The following TMPRSS12 variants were observed in gnomAD, a reference collection of about 807,000 sequenced individuals.
TMPRSS12 encodes the protein transmembrane protease serine 12.
A neutral mutation model predicts 26.0 loss-of-function variants in TMPRSS12; 25 were observed. The ratio of observed to expected loss-of-function variants is 0.96; its 90% CI spans 0.70 to 1.34. The LOEUF (loss-of-function observed/expected upper bound fraction) is 1.34. Among genes scored for constraint, TMPRSS12 ranks in the 40% most tolerant of loss-of-function variants. TMPRSS12 has a pLI of 0.00. For missense variants in TMPRSS12, 441 were observed against 440.1 expected (o/e 1.00, Z -0.02); for synonymous variants, 150 against 161.7 (o/e 0.93, Z 0.55).
chr12:50,855,744 A>T (rs1592218275), intron 2 of TMPRSS12, among the ~76,000 whole-genome samples: 2 of 152,190 alleles, frequency 1.3e-5, no homozygotes, highest in Non-Finnish European at 2.9e-5. Flanking sequence ...TACCATAAAG[A>T]CACATGCATG....
At chr12:50,872,842 C>CTATATATGTACATATATATGACGTA (rs1938075242) in intron 3 of TMPRSS12, among the ~76,000 whole-genome samples, 1 of 13,140 alleles carries the variant, frequency 7.6e-5, no homozygotes, top group East Asian at 4.0e-3. Context: ...TATATGACGT[C>CTATATATGTACATATATATGACGTA]TATATATGTA....
chr12:50,866,878 G>C (rs1020793013), intron 3 of TMPRSS12, among the ~76,000 whole-genome samples: 3 of 152,128 alleles, frequency 2.0e-5, no homozygotes, highest in Non-Finnish European at 2.9e-5. Flanking sequence ...CCAGAAGAAA[G>C]ATAACAATCG....
chr12:50,872,864 CTATATAT>C lies in TMPRSS12; in HGVS notation c.653-12381_653-12375del, dbSNP rs1938076602. The stretch of plus-strand genomic sequence containing the variant: ...CGTCTATATATGTACATATATATGA[CTATATAT>C]GTACATATATATGACGTATATATGT... On this transcript the variant is annotated intron_variant, in intron 3 of 4. Coordinates refer to ENST00000398458, the MANE Select transcript of TMPRSS12 (RefSeq NM_182559.3). Among the ~76,000 whole-genome samples the C allele has an allele frequency of 3.3e-4, 4 of 12,268 alleles. 1 individual carries two copies. The highest frequency in any genetic ancestry group is 8.7e-4 in the African/African-American group (4 of 4,612). 8.0% of individuals were successfully genotyped at this position (12,268 alleles called of 152,430 possible).
chr12:50,853,581 CAAA>C (rs34657217), intron 2 of TMPRSS12, among the ~76,000 whole-genome samples: 2 of 102,382 alleles, frequency 2.0e-5, no homozygotes, highest in South Asian at 7.0e-4. Flanking sequence ...GCTAGACTAA[CAAA>C]AAAAAAAAAA....
chr12:50,883,890 C>T (rs896437682), intron 3 of TMPRSS12, among the ~76,000 whole-genome samples: 2 of 151,862 alleles, frequency 1.3e-5, no homozygotes, highest in Non-Finnish European at 2.9e-5. Context: ...TAGTCCCAGG[C>T]ACTCGGGAGG....
rs2139716506 is a variant in TMPRSS12 at position 50,842,926 on chromosome 12, G to A, written c.-39G>A. The stretch of plus-strand genomic sequence containing the variant: ...TGCGCCCCGCGTGCCCAGGGCGGGT[G>A]GGAAGTACCTGCCGCCATCTTGCTC... On this transcript the variant is annotated 5_prime_UTR_variant, in exon 1 of 5. Transcript: ENST00000398458. The A allele has an allele frequency of 2.0e-6, 3 of 1,529,252 alleles. No individual in the cohort carries two copies. Among genetic ancestry groups the A allele is most frequent in the Middle Eastern group, 1.7e-4 (1 of 5,850 alleles). 94.7% of individuals were successfully genotyped at this position (1,529,252 alleles called of 1,614,324 possible).
chr12:50,883,493 G>A (rs1193810915), intron 3 of TMPRSS12, among the ~76,000 whole-genome samples: 1 of 152,034 alleles, frequency 6.6e-6, no homozygotes, highest in Non-Finnish European at 1.5e-5. Context: ...AGAATGGCCT[G>A]GGCAATATAG....
chr12:50,873,114 G>A (rs955665943), intron 3 of TMPRSS12, among the ~76,000 whole-genome samples: 2 of 151,644 alleles, frequency 1.3e-5, no homozygotes, highest in African/African-American at 4.9e-5. Context: ...ATATATTCTC[G>A]CTGATATGTG....
chr12:50,855,315 C>T (rs1056955875), intron 2 of TMPRSS12, among the ~76,000 whole-genome samples: 1 of 152,016 alleles, frequency 6.6e-6, no homozygotes, highest in African/African-American at 2.4e-5. Context: ...ACTATGCATT[C>T]AGTAAAGGTC....
At chr12:50,854,610 A>C (rs1322319370) in intron 2 of TMPRSS12, among the ~76,000 whole-genome samples, 1 of 152,040 alleles carries the variant, frequency 6.6e-6, no homozygotes, top group Non-Finnish European at 1.5e-5. Flanking sequence ...CTTCAGCAAA[A>C]CTTCAGGATA....
chr12:50,872,373 C>T (rs796734477), intron 3 of TMPRSS12, among the ~76,000 whole-genome samples: 46 of 149,302 alleles, frequency 3.1e-4, no homozygotes, highest in African/African-American at 1.0e-3. Flanking sequence ...ATTAGCCGGG[C>T]GCGGTGGCGG....
intron 3 of TMPRSS12, among the ~76,000 whole-genome samples, chr12:50,878,417 G>T (rs565501361): frequency 7.4e-6 from 1 of 135,396 alleles, no homozygotes; most frequent in South Asian, 2.5e-4. Context: ...CCCTATCTCT[G>T]CAAAAATAAA....
intron 3 of TMPRSS12, among the ~76,000 whole-genome samples, chr12:50,874,974 G>A (rs1470417771): frequency 6.6e-6 from 1 of 152,148 alleles, no homozygotes; most frequent in Non-Finnish European, 1.5e-5. Context: ...CATGTTCATA[G>A]ACAGGAAAAA....
chr12:50,881,752 C>T (rs893144559), intron 3 of TMPRSS12, among the ~76,000 whole-genome samples: 1 of 150,936 alleles, frequency 6.6e-6, no homozygotes, highest in African/African-American at 2.4e-5. Context: ...GGGCAGATCA[C>T]GAGGTCAAGA....
At chr12:50,876,426 C>CAA (rs1714846850) in intron 3 of TMPRSS12, among the ~76,000 whole-genome samples, 3 of 152,156 alleles carry the variant, frequency 2.0e-5, no homozygotes, top group Non-Finnish European at 4.4e-5. Context: ...AATCATTCTA[C>CAA]CAAAAAGACG....
At chr12:50,879,457 A>T (rs1938144160) in intron 3 of TMPRSS12, among the ~76,000 whole-genome samples, 1 of 152,230 alleles carries the variant, frequency 6.6e-6, no homozygotes, top group African/African-American at 2.4e-5. Flanking sequence ...TGTAAATGCT[A>T]ATTTGACATA....
chr12:50,880,070 G>C (rs555862242), intron 3 of TMPRSS12, among the ~76,000 whole-genome samples: 1 of 152,312 alleles, frequency 6.6e-6, no homozygotes, highest in African/African-American at 2.4e-5. Flanking sequence ...TTTCACCAAG[G>C]TAGGTATACA....
chr12:50,867,773 T>A (rs1283756352), intron 3 of TMPRSS12, among the ~76,000 whole-genome samples: 2 of 152,110 alleles, frequency 1.3e-5, no homozygotes, highest in East Asian at 1.9e-4. Flanking sequence ...TAACAGCAAA[T>A]TTTTCAGCAG....
intron 3 of TMPRSS12, among the ~76,000 whole-genome samples, chr12:50,864,954 C>T (rs960399831): frequency 2.0e-5 from 3 of 152,044 alleles, no homozygotes; most frequent in African/African-American, 4.8e-5. Flanking sequence ...CCACAGGGCC[C>T]GGCCAAAAAT....
Sources: gnomAD v4.1 joint callset for allele counts (sites outside exome capture counted in the v4.1 genomes callset) on GRCh38, gnomAD v4.1.1 for gene constraint, MANE v1.5 for transcripts, NCBI Gene and HGNC (gene_info 2026-07-23, HGNC 2026-07-21) for gene names.